CTNNA3: variants seen among roughly 807,000 people sequenced by gnomAD.
The protein encoded by CTNNA3 is catenin alpha 3, also known as catenin alpha-3.
CTNNA3 carries 76 observed loss-of-function variants against 95.7 expected under a neutral mutation model. The observed-to-expected ratio is 0.79, with a 90% CI of 0.66 to 0.96. The LOEUF is 0.96. Ranked by LOEUF, CTNNA3 falls within the 40% of genes least tolerant of loss-of-function variation. The pLI is 0.00. For synonymous variants in CTNNA3, 431 were observed against 374.4 expected (o/e 1.15, Z -1.74); for missense variants, 1,191 against 1,089.8 (o/e 1.09, Z -1.31).
intron 5 of CTNNA3, among the ~76,000 whole-genome samples, chr10:67,371,232 A>ATTT (rs541826538): frequency 3.3e-5 from 5 of 150,354 alleles, no homozygotes; most frequent in African/African-American, 1.2e-4. Context: ...ATATATACAT[A>ATTT]TTTTTTTTCT....
intron 7 of CTNNA3, among the ~76,000 whole-genome samples, chr10:66,952,561 G>A (rs758815502): frequency 4.6e-5 from 7 of 151,972 alleles, no homozygotes; most frequent in East Asian, 1.9e-4. Flanking sequence ...GTGGAGGCAC[G>A]CACACATGCA....
intron 17 of CTNNA3, among the ~76,000 whole-genome samples, chr10:65,957,570 T>C (rs1366708930): frequency 3.9e-5 from 6 of 152,218 alleles, no homozygotes; most frequent in Admixed American, 3.9e-4. Flanking sequence ...CAGGAGCTCT[T>C]GTAAGGCAGG....
At chr10:66,029,616 T>C (rs1391518490) in intron 15 of CTNNA3, among the ~76,000 whole-genome samples, 1 of 152,184 alleles carries the variant, frequency 6.6e-6, no homozygotes, top group Non-Finnish European at 1.5e-5. Flanking sequence ...CATTTCCCCA[T>C]AGCTTTCTTA....
At chr10:66,666,435 T>C (rs764503311) in intron 9 of CTNNA3, among the ~76,000 whole-genome samples, 23 of 152,316 alleles carry the variant, frequency 1.5e-4, no homozygotes, top group South Asian at 1.2e-3. Flanking sequence ...AAATAACTTA[T>C]AATATTTAGC....
chr10:66,185,772 T>C (rs1030337802), intron 13 of CTNNA3, among the ~76,000 whole-genome samples: 1 of 151,998 alleles, frequency 6.6e-6, no homozygotes, highest in African/African-American at 2.4e-5. Context: ...AAATTATATA[T>C]GGGTAATACT....
At chr10:66,852,618 C>T (rs1301237450) in intron 7 of CTNNA3, among the ~76,000 whole-genome samples, 1 of 152,008 alleles carries the variant, frequency 6.6e-6, no homozygotes, top group African/African-American at 2.4e-5. Context: ...TGGGGAGACG[C>T]ATGAAGAATG....
intron 7 of CTNNA3, among the ~76,000 whole-genome samples, chr10:67,037,599 T>G (rs1229253868): frequency 2.0e-5 from 3 of 152,104 alleles, no homozygotes; most frequent in African/African-American, 4.8e-5. Flanking sequence ...GGAGATGAAT[T>G]AGAAAGCTGT....
intron 13 of CTNNA3, 91 bp from the exon 14 acceptor site, chr10:66,103,340 TA>T: frequency 1.0e-6 from 1 of 970,738 alleles, no homozygotes; most frequent in Non-Finnish European, 1.6e-6. Context: ...AGGGTAATCA[TA>T]AAGTTACCAT....
intron 14 of CTNNA3, among the ~76,000 whole-genome samples, chr10:66,073,885 C>G (rs1227019631): frequency 6.6e-6 from 1 of 151,948 alleles, no homozygotes; most frequent in African/African-American, 2.4e-5. Flanking sequence ...ATATAAAATG[C>G]CTAAATCATA....
At chr10:66,073,140 A>G (rs1489756393) in intron 14 of CTNNA3, among the ~76,000 whole-genome samples, 1 of 152,108 alleles carries the variant, frequency 6.6e-6, no homozygotes, top group Admixed American at 6.6e-5. Flanking sequence ...AGGGGGTTTG[A>G]GAAGATGTTG....
intron 5 of CTNNA3, among the ~76,000 whole-genome samples, chr10:67,307,274 T>C (rs1444051028): frequency 6.6e-6 from 1 of 152,232 alleles, no homozygotes; most frequent in Admixed American, 6.5e-5. Flanking sequence ...CAGTGTCTTA[T>C]AGAAAAGTAA....
intron 5 of CTNNA3, among the ~76,000 whole-genome samples, chr10:67,510,290 AG>A (rs1839572254): frequency 6.6e-6 from 1 of 152,124 alleles, no homozygotes; most frequent in African/African-American, 2.4e-5. Flanking sequence ...GGTATTACCT[AG>A]GTTTTCTTCT....
intron 7 of CTNNA3, among the ~76,000 whole-genome samples, chr10:66,867,761 T>C (rs947631454): frequency 1.3e-5 from 2 of 151,926 alleles, no homozygotes; most frequent in Non-Finnish European, 2.9e-5. Flanking sequence ...GAGTCTACTA[T>C]ATCTCTTAAA....
At chr10:67,691,215 G>A (rs1054018878) in intron 1 of CTNNA3, among the ~76,000 whole-genome samples, 4 of 152,174 alleles carry the variant, frequency 2.6e-5, no homozygotes, top group Admixed American at 2.6e-4. Flanking sequence ...CCAGGCTGGA[G>A]TGCAGTGGCA....
At chr10:67,205,441 C>T (rs1394485397) in intron 6 of CTNNA3, among the ~76,000 whole-genome samples, 1 of 152,074 alleles carries the variant, frequency 6.6e-6, no homozygotes, top group Non-Finnish European at 1.5e-5. Flanking sequence ...TGCAAACTCT[C>T]ATATATTTAT....
intron 14 of CTNNA3, among the ~76,000 whole-genome samples, chr10:66,083,765 C>T (rs2080861957): frequency 6.6e-6 from 1 of 152,052 alleles, no homozygotes; most frequent in Admixed American, 6.6e-5. Context: ...GTATAGGTAG[C>T]CAAGTCCTAC....
intron 10 of CTNNA3, among the ~76,000 whole-genome samples, chr10:66,574,152 TCTTA>T (rs1842941873): frequency 6.6e-6 from 1 of 152,100 alleles, no homozygotes; most frequent in Non-Finnish European, 1.5e-5. Context: ...CCATTTACTG[TCTTA>T]CTAAGGGTAA....
chr10:67,482,992 T>C (rs1848297047), intron 5 of CTNNA3, among the ~76,000 whole-genome samples: 1 of 152,158 alleles, frequency 6.6e-6, no homozygotes, highest in Non-Finnish European at 1.5e-5. Context: ...AAGACATTTA[T>C]GTAGCCAAAA....
rs536117302 is a variant in CTNNA3, at chr10:65,914,796, C to A, written c.*5534G>T. The A allele has an allele frequency of 6.6e-6, 1 of 152,068 alleles. No individual in the cohort carries two copies. The highest frequency in any genetic ancestry group is 1.5e-5 in the Non-Finnish European group (1 of 68,012). 9.4% of individuals were successfully genotyped at this position (152,068 alleles called of 1,614,324 possible). A position where few individuals can be genotyped will look rare whatever the true frequency, so the allele number is the denominator to read the frequency against. ...AAGGTTGTCCTCTTATTTCAGATCA[C>A]GTAAATAACTTACTTCCCATGTACC... is the stretch of plus-strand genomic sequence containing the variant. On this transcript the variant is annotated 3_prime_UTR_variant, in exon 18 of 18. Transcript: ENST00000433211.
Sources: gnomAD v4.1 joint callset for allele counts (sites outside exome capture counted in the v4.1 genomes callset) on GRCh38, gnomAD v4.1.1 for gene constraint, MANE v1.5 for transcripts, NCBI Gene and HGNC (gene_info 2026-07-23, HGNC 2026-07-21) for gene names.